Variants in KLRG1 observed in about 807,000 individuals in gnomAD.
KLRG1 encodes killer cell lectin-like receptor subfamily G member 1.
In KLRG1, 16 loss-of-function variants were observed where a neutral mutation model predicts 21.8. That is an observed-to-expected ratio of 0.73 (90% CI 0.50 to 1.11). KLRG1 has a LOEUF of 1.11. Ranked by LOEUF, KLRG1 falls within the 50% of genes most tolerant of loss-of-function variation. The probability of loss-of-function intolerance (pLI) is 0.00; values close to 1 mark genes in which losing one functional copy is unlikely to be tolerated. For missense variants in KLRG1, 173 were observed against 218.3 expected (o/e 0.79, Z 1.31); for synonymous variants, 69 against 75.9 (o/e 0.91, Z 0.47).
chr12:9,106,514 G>A, the KLRG1 span: 2 of 1,597,508 alleles, frequency 1.3e-6, no homozygotes, highest in Non-Finnish European at 1.7e-6. Flanking sequence ...TTGGATCTGG[G>A]CCTCAGTGTG....
chr12:9,129,036 A>G, the KLRG1 span, among the ~76,000 whole-genome samples: 1 of 152,180 alleles, frequency 6.6e-6, no homozygotes, highest in Non-Finnish European at 1.5e-5. Flanking sequence ...GTTACCAGCT[A>G]GCCATAACCT....
chr12:9,044,112 G>T, the KLRG1 span, among the ~76,000 whole-genome samples: 4 of 152,250 alleles, frequency 2.6e-5, no homozygotes, highest in East Asian at 3.9e-4. Context: ...TTTTGGGGTG[G>T]TTTTTTATAC....
chr12:8,953,956 A>T (rs938534322), intron 1 of KLRG1, among the ~76,000 whole-genome samples: 2 of 152,154 alleles, frequency 1.3e-5, no homozygotes, highest in African/African-American at 4.8e-5. Context: ...CCACAGGAAC[A>T]TGCAGTCCAC....
intron 1 of KLRG1, among the ~76,000 whole-genome samples, chr12:8,973,163 GAAAAAAAAAAAA>G (rs59760555): frequency 3.1e-5 from 3 of 97,030 alleles, no homozygotes; most frequent in African/African-American, 1.3e-4. Context: ...CATCTCAAAA[GAAAAAAAAAAAA>G]AAAAAAAAAA....
chr12:9,094,597 T>G, the KLRG1 span, among the ~76,000 whole-genome samples: 1 of 151,988 alleles, frequency 6.6e-6, no homozygotes, highest in Non-Finnish European at 1.5e-5. Context: ...TGATTACTAT[T>G]CAGTTCATCA....
chr12:9,135,535 G>T, the KLRG1 span: 1 of 351,342 alleles, frequency 2.8e-6, no homozygotes, highest in South Asian at 2.8e-5. Flanking sequence ...CTGTAAGGAC[G>T]AATTTCTCTT....
At chr12:9,029,356 C>T in the KLRG1 span, among the ~76,000 whole-genome samples, 1 of 152,152 alleles carries the variant, frequency 6.6e-6, no homozygotes, top group East Asian at 1.9e-4. Context: ...GCTGGGATTA[C>T]AGGCATGTGC....
the KLRG1 span, among the ~76,000 whole-genome samples, chr12:9,054,844 T>A: frequency 6.6e-6 from 1 of 152,326 alleles, no homozygotes; most frequent in African/African-American, 2.4e-5. Context: ...AATCTGAAAC[T>A]TTTCAAGTGC....
chr12:9,125,906 T>A, the KLRG1 span, among the ~76,000 whole-genome samples: 4 of 152,192 alleles, frequency 2.6e-5, no homozygotes, highest in Non-Finnish European at 5.9e-5. Flanking sequence ...GGCTAATTTT[T>A]GTATTTTTAG....
chr12:9,181,961 G>A, the KLRG1 span: 205 of 1,609,234 alleles, frequency 1.3e-4, no homozygotes, highest in African/African-American at 2.4e-3. Flanking sequence ...TTAATTTTAT[G>A]TTAAATCGCT....
At chr12:8,985,930 AAGG>A (rs1245500086), upstream of KLRG1, among the ~76,000 whole-genome samples, 1 of 152,186 alleles carries the variant, frequency 6.6e-6, no homozygotes, top group African/African-American at 2.4e-5. Context: ...CACAATCAGA[AAGG>A]CAGGGGAAAA....
the KLRG1 span, chr12:9,094,920 T>A: frequency 4.9e-6 from 5 of 1,017,104 alleles, no homozygotes; most frequent in Non-Finnish European, 6.8e-6. Flanking sequence ...TTTAAAAAAT[T>A]TAAAATTTGG....
At chr12:9,115,547 C>A in the KLRG1 span, 1 of 470,750 alleles carries the variant, frequency 2.1e-6, no homozygotes, top group Non-Finnish European at 3.8e-6. Flanking sequence ...TCTGACACCC[C>A]TTAGGAAGGC....
chr12:9,169,052 T>C, the KLRG1 span: 3 of 1,042,712 alleles, frequency 2.9e-6, no homozygotes, highest in Non-Finnish European at 4.4e-6. Context: ...GAGACTTCTC[T>C]ATGTAATTCC....
chr12:9,149,617 T>C, the KLRG1 span: 3 of 1,611,950 alleles, frequency 1.9e-6, no homozygotes, highest in African/African-American at 4.0e-5. Flanking sequence ...AAGATAACGT[T>C]GGGTGAAGGA....
At chr12:9,119,052 C>T in the KLRG1 span, among the ~76,000 whole-genome samples, 6 of 152,244 alleles carry the variant, frequency 3.9e-5, no homozygotes, top group African/African-American at 1.4e-4. Context: ...CTCTGAGTCC[C>T]ACGGAAGGGA....
At chr12:8,984,545 G>T (rs1304595069) in intron 1 of KLRG1, among the ~76,000 whole-genome samples, 1 of 152,142 alleles carries the variant, frequency 6.6e-6, no homozygotes, top group East Asian at 1.9e-4. Flanking sequence ...GAGCCACCGT[G>T]CCTGGCCCTC....
chr12:9,056,593 T>C, the KLRG1 span, among the ~76,000 whole-genome samples: 1 of 151,772 alleles, frequency 6.6e-6, no homozygotes, highest in African/African-American at 2.4e-5. Flanking sequence ...GTGTGTATTT[T>C]AGGGATGGGG....
the KLRG1 span, among the ~76,000 whole-genome samples, chr12:9,201,511 C>T: frequency 2.0e-5 from 3 of 152,040 alleles, no homozygotes; most frequent in African/African-American, 7.2e-5. Context: ...TTAAATAGTT[C>T]TAGGATGAGC....
Sources: gnomAD v4.1 joint callset for allele counts (sites outside exome capture counted in the v4.1 genomes callset) on GRCh38, gnomAD v4.1.1 for gene constraint, MANE v1.5 for transcripts, NCBI Gene and HGNC (gene_info 2026-07-23, HGNC 2026-07-21) for gene names.